Variants in CTCF observed in about 807,000 individuals in gnomAD.
CTCF encodes the protein CCCTC-binding factor, also known as transcriptional repressor CTCF.
Under a neutral mutation model 72.3 loss-of-function variants are expected in CTCF, and 7 were observed. The observed-to-expected ratio is 0.10, with a 90% confidence interval of 0.06 to 0.18. CTCF has a LOEUF of 0.18. Among genes scored for constraint, CTCF ranks in the 10% least tolerant of loss-of-function variants. CTCF has a pLI of 1.00. For synonymous variants in CTCF, 374 were observed against 315.8 expected (o/e 1.18, Z -1.95); for missense variants, 516 against 949.1 (o/e 0.54, Z 6.00).
Position 67,612,135 on chromosome 16 carries a change from AT to A in CTCF, c.952+15del, listed in dbSNP as rs769309679. 6.2e-7 allele frequency: 1 copy of A among 1,602,154 alleles called. No homozygotes were observed. The highest frequency in any genetic ancestry group is 1.1e-5 in the South Asian group (1 of 89,364). ...ACACACACACAGGTGCTGGATAAGA[AT>A]GTTGGGGGCTACAACAGCAAATGCT... On this transcript the variant is annotated intron_variant, in intron 4 of 11. Coordinates refer to ENST00000264010, the MANE Select transcript of CTCF (RefSeq NM_006565.4).
intron 5 of CTCF, among the ~76,000 whole-genome samples, chr16:67,618,317 A>ACTTG (rs1225850227): frequency 5.9e-5 from 9 of 152,108 alleles, no homozygotes; most frequent in Non-Finnish European, 1.2e-4. Flanking sequence ...CAGGAGAATC[A>ACTTG]CTTGAACCTG....
chr16:67,614,303 C>A (rs2142833976), intron 4 of CTCF: 1 of 145,980 alleles, frequency 6.9e-6, no homozygotes, highest in South Asian at 2.2e-4. Context: ...GTGGAGATCG[C>A]ACCATTGCAC....
chr16:67,621,195 A>T, intron 6 of CTCF: 1 of 407,356 alleles, frequency 2.5e-6, no homozygotes, highest in Admixed American at 3.8e-5. Flanking sequence ...TCTCCCCCAA[A>T]GGTAAGCATT....
chr16:67,637,363 C>A (rs1053552740), intron 11 of CTCF, among the ~76,000 whole-genome samples: 4 of 152,120 alleles, frequency 2.6e-5, no homozygotes, highest in Admixed American at 6.5e-5. Context: ...GAAACCCCAT[C>A]TCTGCTAAAA....
chr16:67,623,685 G>A (rs1005569751), intron 7 of CTCF, among the ~76,000 whole-genome samples: 1 of 151,432 alleles, frequency 6.6e-6, no homozygotes, highest in African/African-American at 2.4e-5. Context: ...TGTAGTTTCA[G>A]CTATTCAGGA....
At chr16:67,621,767 T>C (rs984174546) in intron 7 of CTCF, among the ~76,000 whole-genome samples, 176 bp downstream of exon 7, 7 of 149,878 alleles carry the variant, frequency 4.7e-5, no homozygotes, top group South Asian at 2.1e-4. Flanking sequence ...TTTTTTTTTT[T>C]CTATTTCTTC....
At chr16:67,600,724 A>G (rs2051875545) in intron 2 of CTCF, among the ~76,000 whole-genome samples, 1 of 152,146 alleles carries the variant, frequency 6.6e-6, no homozygotes, top group Admixed American at 6.6e-5. Context: ...AGAAGTGTAT[A>G]TAAATTCCAT....
Position 67,611,558 on chromosome 16 carries a change from A to G in CTCF, c.726A>G (p.Ala242=), listed in dbSNP as rs765565548. 6.2e-7 allele frequency: 1 copy of G among 1,614,190 alleles called. No homozygotes were observed. The highest frequency in any genetic ancestry group is 1.7e-5 in the Admixed American group (1 of 60,006). ...AGGGTCTGCTATCAGAGGTTAATGC[A>G]GAGAAAGTGGTTGGTAATATGAAGC... ...QQEGLLSEVN[A]EKVVGNMKPP... The change falls in exon 3 of 12, where the codon GCA becomes GCG. Residue 242 remains alanine (A), a synonymous_variant. Coordinates refer to ENST00000264010, the MANE Select transcript of CTCF (RefSeq NM_006565.4).
intron 1 of CTCF, among the ~76,000 whole-genome samples, chr16:67,566,599 T>C (rs1012326492): frequency 1.3e-5 from 2 of 149,446 alleles, no homozygotes; most frequent in Non-Finnish European, 3.0e-5. Flanking sequence ...GTTTTGGAGA[T>C]GGAGTCTCGC....
At chr16:67,598,642 T>C (rs1367181861) in intron 2 of CTCF, among the ~76,000 whole-genome samples, 1 of 152,228 alleles carries the variant, frequency 6.6e-6, no homozygotes, top group Non-Finnish European at 1.5e-5. Context: ...TTTCCAAGTA[T>C]TTAACTCCCA....
At chr16:67,599,448 A>G (rs2051858630) in intron 2 of CTCF, among the ~76,000 whole-genome samples, 1 of 152,038 alleles carries the variant, frequency 6.6e-6, no homozygotes, top group African/African-American at 2.4e-5. Flanking sequence ...CATGCCCCCT[A>G]AGGATACAGG....
intron 11 of CTCF, among the ~76,000 whole-genome samples, chr16:67,637,345 AACATGGTGAAACC>A (rs2052444505): frequency 6.6e-6 from 1 of 152,194 alleles, no homozygotes; most frequent in Non-Finnish European, 1.5e-5. Flanking sequence ...CAGCCTGGTC[AACATGGTGAAACC>A]CCATCTCTGC....
chr16:67,573,322 G>A (rs1447258463), intron 2 of CTCF, among the ~76,000 whole-genome samples: 1 of 151,832 alleles, frequency 6.6e-6, no homozygotes, highest in Non-Finnish European at 1.5e-5. Flanking sequence ...CCAACTACTC[G>A]GGAGGCTGAG....
At chr16:67,599,452 A>G (rs1181616300) in intron 2 of CTCF, among the ~76,000 whole-genome samples, 1 of 152,130 alleles carries the variant, frequency 6.6e-6, no homozygotes, top group Admixed American at 6.6e-5. Context: ...CCCCCTAAGG[A>G]TACAGGCCTC....
chr16:67,630,436 C>A (rs1276406031), intron 10 of CTCF, among the ~76,000 whole-genome samples: 2 of 152,136 alleles, frequency 1.3e-5, no homozygotes, highest in Non-Finnish European at 2.9e-5. Flanking sequence ...AGTCATGAAA[C>A]CCAGGCAGGA....
intron 8 of CTCF, 63 bp from the exon 9 acceptor site, chr16:67,628,307 G>T (rs1371705702): frequency 6.6e-7 from 1 of 1,509,508 alleles, no homozygotes; most frequent in Non-Finnish European, 9.1e-7. Flanking sequence ...ATGCATGCAG[G>T]TGGCAGCTGG....
At chr16:67,584,270 T>C (rs1288343486) in intron 2 of CTCF, among the ~76,000 whole-genome samples, 2 of 148,720 alleles carry the variant, frequency 1.3e-5, no homozygotes, top group African/African-American at 2.5e-5. Context: ...TGCAGTGAGC[T>C]GAGATGGTGC....
chr16:67,572,274 T>C (rs2051432781), intron 2 of CTCF, among the ~76,000 whole-genome samples: 1 of 152,206 alleles, frequency 6.6e-6, no homozygotes, highest in Non-Finnish European at 1.5e-5. Context: ...ATTCTGTCAC[T>C]CCAAAAATAA....
At chr16:67,630,235 T>G (rs1387867622) in intron 10 of CTCF, among the ~76,000 whole-genome samples, 1 of 152,220 alleles carries the variant, frequency 6.6e-6, no homozygotes, top group East Asian at 1.9e-4. Context: ...GTGAATCTAA[T>G]GGACATGAAG....
Sources: allele counts gnomAD v4.1 joint callset (sites outside exome capture counted in the v4.1 genomes callset), GRCh38; gene constraint gnomAD v4.1.1; transcripts MANE v1.5; gene names NCBI Gene and HGNC (gene_info 2026-07-23, HGNC 2026-07-21).